Variants in PDE1A observed in about 807,000 individuals in gnomAD.
PDE1A encodes dual specificity calcium/calmodulin-dependent 3',5'-cyclic nucleotide phosphodiesterase 1A.
In PDE1A, 35 loss-of-function variants were observed where a neutral mutation model predicts 61.7. The observed-to-expected ratio is 0.57, with a 90% CI of 0.43 to 0.75. PDE1A has a LOEUF of 0.75. PDE1A is among the 30% of genes least tolerant of loss of function. The pLI, the probability that PDE1A is intolerant of heterozygous loss-of-function variation, is 0.00. For missense variants in PDE1A, 597 were observed against 630.6 expected (o/e 0.95, Z 0.57); for synonymous variants, 232 against 213.2 (o/e 1.09, Z -0.77).
chr2:182,657,566 C>T, the PDE1A span, among the ~76,000 whole-genome samples: 6 of 152,122 alleles, frequency 3.9e-5, no homozygotes, highest in African/African-American at 1.4e-4. Context: ...ATCTTTTCAT[C>T]ATGTATCCAA....
upstream of PDE1A, among the ~76,000 whole-genome samples, chr2:182,429,821 A>G (rs16823234): frequency 0.039 from 5,895 of 152,246 alleles, 138 homozygotes; most frequent in Middle Eastern, 0.078. Flanking sequence ...TGTTTGTAAT[A>G]CACAAGTGCC....
the PDE1A span, among the ~76,000 whole-genome samples, chr2:182,558,826 C>T: frequency 6.6e-6 from 1 of 152,188 alleles, no homozygotes; most frequent in Non-Finnish European, 1.5e-5. Flanking sequence ...ATGTACTCTT[C>T]CTCCTAGCTC....
chr2:182,347,953 G>C (rs758487862), intron 1 of PDE1A, among the ~76,000 whole-genome samples: 13 of 152,090 alleles, frequency 8.5e-5, no homozygotes, highest in Non-Finnish European at 1.3e-4. Flanking sequence ...TTTGAAAGAA[G>C]CAACACGTAG....
intron 10 of PDE1A, among the ~76,000 whole-genome samples, chr2:182,192,130 T>C (rs1368203203): frequency 6.6e-6 from 1 of 152,144 alleles, no homozygotes; most frequent in African/African-American, 2.4e-5. Flanking sequence ...GTGCTAGGAT[T>C]ACTGGCGTGA....
chr2:182,561,013 T>C, the PDE1A span, among the ~76,000 whole-genome samples: 10 of 149,180 alleles, frequency 6.7e-5, no homozygotes, highest in South Asian at 2.3e-3. Flanking sequence ...GGTTGCCTGT[T>C]CACTCTGATG....
intron 1 of PDE1A, among the ~76,000 whole-genome samples, chr2:182,380,874 A>G (rs1700695003): frequency 6.6e-6 from 1 of 152,236 alleles, no homozygotes; most frequent in Admixed American, 6.5e-5. Context: ...GGCCATGACC[A>G]GTTACTATGC....
chr2:182,712,107 T>C, the PDE1A span, among the ~76,000 whole-genome samples: 3 of 152,338 alleles, frequency 2.0e-5, no homozygotes, highest in South Asian at 4.1e-4. Context: ...ATACATAACC[T>C]AAATCTAATC....
At chr2:182,189,088 G>C (rs768275532) in intron 10 of PDE1A, 28 bp from the exon 11 acceptor site, 2 of 1,511,172 alleles carry the variant, frequency 1.3e-6, no homozygotes, top group South Asian at 2.3e-5. Flanking sequence ...CATTAATATA[G>C]ACTTGGGTTG....
At chr2:182,529,161 C>T in the PDE1A span, among the ~76,000 whole-genome samples, 12 of 152,202 alleles carry the variant, frequency 7.9e-5, no homozygotes, top group African/African-American at 2.2e-4. Context: ...ACTCTCAATG[C>T]CAGTGCATGA....
At chr2:182,696,961 T>A in the PDE1A span, among the ~76,000 whole-genome samples, 1 of 152,202 alleles carries the variant, frequency 6.6e-6, no homozygotes, top group African/African-American at 2.4e-5. Context: ...ATTCTAAGCA[T>A]TGATTTTTAT....
the PDE1A span, among the ~76,000 whole-genome samples, chr2:182,654,994 C>T: frequency 1.3e-4 from 20 of 152,254 alleles, no homozygotes; most frequent in South Asian, 2.3e-3. Flanking sequence ...AAGGTACCAC[C>T]ATTTGGCCTC....
At chr2:182,582,090 G>T in the PDE1A span, among the ~76,000 whole-genome samples, 2 of 152,128 alleles carry the variant, frequency 1.3e-5, no homozygotes, top group African/African-American at 4.8e-5. Flanking sequence ...TTACCTGACA[G>T]CCCCCTCCAC....
At chr2:182,250,156 A>T (rs1273543062) in intron 2 of PDE1A, among the ~76,000 whole-genome samples, 2 of 152,192 alleles carry the variant, frequency 1.3e-5, no homozygotes, top group African/African-American at 4.8e-5. Flanking sequence ...AATGCCAGTA[A>T]TCATTTTCTC....
At chr2:182,335,130 T>A (rs1031673494) in intron 1 of PDE1A, among the ~76,000 whole-genome samples, 4 of 152,070 alleles carry the variant, frequency 2.6e-5, no homozygotes, top group Non-Finnish European at 5.9e-5. Flanking sequence ...CACAAACAAA[T>A]GGAAAAACAT....
At chr2:182,494,734 C>A (rs1352274788) in intron 2 of PDE1A, among the ~76,000 whole-genome samples, 9 of 152,082 alleles carry the variant, frequency 5.9e-5, no homozygotes, top group Non-Finnish European at 7.4e-5. Flanking sequence ...CCCTCCCTCC[C>A]AAGCCCAGGC....
rs577340364 is a variant in PDE1A, at chr2:182,394,584, T to C, written c.53+31994A>G. ...GGACACTGGCTCGAGCTGACATTGA[T>C]TCCAGGGGACCCAAAACATCAATAT... On this transcript the variant is annotated intron_variant, in intron 1 of 13. Transcript: ENST00000351439. Among the ~76,000 whole-genome samples the C allele has an allele frequency of 2.6e-5, 4 of 152,214 alleles. No individual in the cohort carries two copies. The South Asian group carries it at 8.3e-4, about 32-fold the overall frequency.
chr2:182,365,131 G>T (rs1189219760), intron 1 of PDE1A, among the ~76,000 whole-genome samples: 1 of 151,968 alleles, frequency 6.6e-6, no homozygotes, highest in Non-Finnish European at 1.5e-5. Context: ...TTCAATTTAT[G>T]AGTAGGGTGT....
chr2:182,207,810 C>T (rs746993528), intron 7 of PDE1A, among the ~76,000 whole-genome samples: 1 of 152,248 alleles, frequency 6.6e-6, no homozygotes, highest in South Asian at 2.1e-4. Flanking sequence ...GCCTCCACTG[C>T]TCTGTGCACG....
the PDE1A span, among the ~76,000 whole-genome samples, chr2:182,565,670 T>A: frequency 9.2e-5 from 14 of 152,296 alleles, 1 homozygote; most frequent in East Asian, 2.5e-3. Flanking sequence ...AGGGAGACTG[T>A]TCTTTTTTGG....
Sources: gnomAD v4.1 joint callset for allele counts (sites outside exome capture counted in the v4.1 genomes callset) on GRCh38, gnomAD v4.1.1 for gene constraint, MANE v1.5 for transcripts, NCBI Gene and HGNC (gene_info 2026-07-23, HGNC 2026-07-21) for gene names.